Variants in GRID2 observed in about 807,000 individuals in gnomAD.
The protein encoded by GRID2 is glutamate receptor ionotropic, delta-2.
In GRID2, 33 loss-of-function variants were observed where a neutral mutation model predicts 114.8. The observed-to-expected ratio is 0.29, with a 90% CI of 0.22 to 0.38. The LOEUF (loss-of-function observed/expected upper bound fraction) is 0.38. Ranked by LOEUF, GRID2 falls within the 10% of genes least tolerant of loss-of-function variation. The probability of loss-of-function intolerance (pLI) is 1.00; values close to 1 mark genes in which losing one functional copy is unlikely to be tolerated. For missense variants in GRID2, 1,184 were observed against 1,257.7 expected (o/e 0.94, Z 0.89); for synonymous variants, 505 against 449.9 (o/e 1.12, Z -1.55).
intron 8 of GRID2, among the ~76,000 whole-genome samples, chr4:93,323,457 G>T (rs1383406980): frequency 6.6e-6 from 1 of 152,152 alleles, no homozygotes; most frequent in Non-Finnish European, 1.5e-5. Context: ...TAGCCTTGTA[G>T]TATAGTTTGA....
intron 10 of GRID2, among the ~76,000 whole-genome samples, chr4:93,423,341 T>A (rs922506037): frequency 2.0e-5 from 1 of 50,552 alleles, no homozygotes; most frequent in East Asian, 9.3e-4. Flanking sequence ...TCTTTCTTTT[T>A]TTTTTTTTTT....
intron 14 of GRID2, among the ~76,000 whole-genome samples, chr4:93,729,316 G>A (rs1406191930): frequency 6.6e-6 from 1 of 152,142 alleles, no homozygotes; most frequent in East Asian, 1.9e-4. Context: ...CTACAGACAG[G>A]AGATCCAGGA....
At chr4:92,678,422 T>A (rs991181621) in intron 2 of GRID2, among the ~76,000 whole-genome samples, 1 of 152,088 alleles carries the variant, frequency 6.6e-6, no homozygotes, top group Non-Finnish European at 1.5e-5. Flanking sequence ...ACTTTATGAC[T>A]AAGGAGTATG....
At chr4:93,790,203 A>G (rs1475930060) in intron 1 of GRID2, among the ~76,000 whole-genome samples, 5 of 151,664 alleles carry the variant, frequency 3.3e-5, no homozygotes, top group Non-Finnish European at 5.9e-5. Context: ...CCACTGCCCT[A>G]GAGAGAATTT....
At chr4:93,511,232 T>C (rs1214919366) in intron 12 of GRID2, among the ~76,000 whole-genome samples, 1 of 152,178 alleles carries the variant, frequency 6.6e-6, no homozygotes. Context: ...CCACTGCGCC[T>C]GGCCCCAAAT....
At chr4:92,659,548 A>G (rs1032902178) in intron 2 of GRID2, among the ~76,000 whole-genome samples, 4 of 151,594 alleles carry the variant, frequency 2.6e-5, no homozygotes, top group African/African-American at 9.7e-5. Context: ...TATAAACAAA[A>G]ATCATAATAC....
intron 8 of GRID2, among the ~76,000 whole-genome samples, chr4:93,246,756 A>G (rs936275424): frequency 5.3e-5 from 8 of 152,120 alleles, no homozygotes; most frequent in African/African-American, 1.9e-4. Flanking sequence ...AATAGCTTGT[A>G]CCATAAAGTC....
At chr4:93,270,551 T>A (rs1418066174) in intron 8 of GRID2, among the ~76,000 whole-genome samples, 1 of 152,194 alleles carries the variant, frequency 6.6e-6, no homozygotes, top group Non-Finnish European at 1.5e-5. Context: ...CAAGGAGAGC[T>A]GGAGAAGAAT....
intron 1 of GRID2, among the ~76,000 whole-genome samples, chr4:92,541,315 CA>C (rs773853920): frequency 1.3e-4 from 19 of 143,144 alleles, no homozygotes; most frequent in Non-Finnish European, 3.0e-4. Context: ...AAATAAGAGT[CA>C]GGAAAAAAAA....
intron 1 of GRID2, among the ~76,000 whole-genome samples, chr4:92,443,732 G>T (rs531447003): frequency 6.6e-6 from 1 of 152,234 alleles, no homozygotes; most frequent in African/African-American, 2.4e-5. Flanking sequence ...TGGGGTACTT[G>T]CCCCTTCCCC....
At chr4:93,719,670 C>T (rs1326861775) in intron 14 of GRID2, among the ~76,000 whole-genome samples, 2 of 152,132 alleles carry the variant, frequency 1.3e-5, no homozygotes, top group Non-Finnish European at 2.9e-5. Context: ...ATACTTAATA[C>T]TAATGATGAT....
At chr4:93,004,073 C>T (rs190038025) in intron 2 of GRID2, among the ~76,000 whole-genome samples, 2 of 151,792 alleles carry the variant, frequency 1.3e-5, no homozygotes, top group East Asian at 3.9e-4. Flanking sequence ...CAAGACTTTC[C>T]TGGTAGTGTT....
chr4:92,916,050 G>C (rs952797937), intron 2 of GRID2, among the ~76,000 whole-genome samples: 1 of 151,786 alleles, frequency 6.6e-6, no homozygotes, highest in Non-Finnish European at 1.5e-5. Flanking sequence ...TTTTCTTTGC[G>C]ATGCGTAAAC....
chr4:93,566,412 T>C (rs1007064381), intron 13 of GRID2, among the ~76,000 whole-genome samples: 3 of 152,128 alleles, frequency 2.0e-5, no homozygotes, highest in Non-Finnish European at 4.4e-5. Context: ...TTGAAGGTTT[T>C]AGAGATGTGT....
At chr4:93,769,543 T>C (rs568472853) in intron 15 of GRID2, 93 bp downstream of exon 15, 12 of 1,213,810 alleles carry the variant, frequency 9.9e-6, no homozygotes, top group African/African-American at 4.6e-5. Context: ...GGGTTGGGGG[T>C]GGTCCTTGTT....
intron 1 of GRID2, among the ~76,000 whole-genome samples, chr4:92,480,404 G>T (rs1722525276): frequency 6.6e-6 from 1 of 152,126 alleles, no homozygotes; most frequent in Non-Finnish European, 1.5e-5. Flanking sequence ...TAGTAGGAAA[G>T]ATAATCTATA....
chr4:92,671,993 A>T (rs924053363), intron 2 of GRID2, among the ~76,000 whole-genome samples: 1 of 152,150 alleles, frequency 6.6e-6, no homozygotes, highest in African/African-American at 2.4e-5. Context: ...AATTAGATTA[A>T]CTATTAAAAA....
At chr4:92,836,506 G>A (rs1742470615) in intron 2 of GRID2, among the ~76,000 whole-genome samples, 1 of 151,902 alleles carries the variant, frequency 6.6e-6, no homozygotes, top group South Asian at 2.1e-4. Context: ...AATAGCAGCC[G>A]CTTAATACAT....
intron 2 of GRID2, among the ~76,000 whole-genome samples, chr4:92,725,919 G>A (rs1736047331): frequency 6.6e-6 from 1 of 152,030 alleles, no homozygotes; most frequent in South Asian, 2.1e-4. Context: ...GCGGAAGTAA[G>A]CACAAAATGA....
Sources: allele counts gnomAD v4.1 joint callset (sites outside exome capture counted in the v4.1 genomes callset), GRCh38; gene constraint gnomAD v4.1.1; transcripts MANE v1.5; gene names NCBI Gene and HGNC (gene_info 2026-07-23, HGNC 2026-07-21).